CTNNA2: variants seen among roughly 807,000 people sequenced by gnomAD.
CTNNA2 encodes the protein catenin alpha-2.
In CTNNA2, 42 loss-of-function variants were observed where a neutral mutation model predicts 101.0. The ratio of observed to expected loss-of-function variants is 0.42; its 90% CI spans 0.32 to 0.54. The LOEUF is 0.54. CTNNA2 is among the 20% of genes least tolerant of loss of function. The probability of loss-of-function intolerance (pLI) is 0.14; values close to 1 mark genes in which losing one functional copy is unlikely to be tolerated. For synonymous variants in CTNNA2, 450 were observed against 456.4 expected, an observed-to-expected ratio of 0.99 and a Z score of 0.18; for missense variants, 871 against 1,223.1, an observed-to-expected ratio of 0.71 and a Z score of 4.29.
At chr2:80,550,253 C>T (rs1236272156) in intron 11 of CTNNA2, among the ~76,000 whole-genome samples, 1 of 152,138 alleles carries the variant, frequency 6.6e-6, no homozygotes. Context: ...TTTAGAAATA[C>T]TTCATTTCTA....
intron 2 of CTNNA2, among the ~76,000 whole-genome samples, chr2:79,721,701 ACTG>A (rs2104866476): frequency 6.6e-6 from 1 of 152,350 alleles, no homozygotes; most frequent in East Asian, 1.9e-4. Context: ...AATAATTTGG[ACTG>A]CTATCAAAAC....
At chr2:80,123,447 GAAAA>G (rs528984412) in intron 7 of CTNNA2, among the ~76,000 whole-genome samples, 1 of 121,938 alleles carries the variant, frequency 8.2e-6, no homozygotes, top group African/African-American at 3.0e-5. Flanking sequence ...TAGTGGTGCA[GAAAA>G]AAAAAAAAAA....
intron 18 of CTNNA2, among the ~76,000 whole-genome samples, chr2:80,644,934 T>G (rs1673904608): frequency 6.6e-6 from 1 of 152,164 alleles, no homozygotes; most frequent in Non-Finnish European, 1.5e-5. Flanking sequence ...GCTCTCATAT[T>G]TTTGCTGCAG....
At chr2:80,136,889 A>G (rs1254161327) in intron 7 of CTNNA2, among the ~76,000 whole-genome samples, 1 of 152,124 alleles carries the variant, frequency 6.6e-6, no homozygotes, top group Non-Finnish European at 1.5e-5. Flanking sequence ...GGATAGACAC[A>G]TGTTTATCTC....
chr2:79,527,619 C>T (rs113382793), intron 1 of CTNNA2, among the ~76,000 whole-genome samples: 1 of 148,310 alleles, frequency 6.7e-6, no homozygotes, highest in Non-Finnish European at 1.5e-5. Flanking sequence ...GAGACTTTGT[C>T]TCAAAAAAAA....
rs149762383 is a variant in CTNNA2 at position 80,375,965 on chromosome 2, T to C, written c.1057-17246T>C. Among the ~76,000 whole-genome samples, 123 of 152,270 alleles carry C rather than the reference T, an allele frequency of 8.1e-4. 1 individual carries two copies. In the East Asian group the frequency reaches 0.022, roughly 28 times the overall value. On this transcript the variant is annotated intron_variant, in intron 7 of 18. Transcript: ENST00000402739. ...GACTTCCTCTAAGTACCTCCTATTT[T>C]GGTAGTAGAAATGGGATCTCTGGCC...
chr2:79,751,701 G>A (rs536691363), intron 3 of CTNNA2, among the ~76,000 whole-genome samples: 1 of 151,328 alleles, frequency 6.6e-6, no homozygotes, highest in African/African-American at 2.4e-5. Flanking sequence ...AAGGGAGAGA[G>A]GGAAGGAGGA....
intron 1 of CTNNA2, among the ~76,000 whole-genome samples, chr2:79,559,294 C>T (rs1409898457): frequency 1.3e-5 from 2 of 151,872 alleles, no homozygotes; most frequent in Non-Finnish European, 2.9e-5. Context: ...TTATGTGAAT[C>T]ACTTGGGAGC....
chr2:79,918,538 G>A (rs1686421402), intron 7 of CTNNA2, among the ~76,000 whole-genome samples: 1 of 152,178 alleles, frequency 6.6e-6, no homozygotes, highest in African/African-American at 2.4e-5. Flanking sequence ...ATGGGAATGT[G>A]TGCTGTCTTG....
chr2:79,511,975 T>C (rs565349114), upstream of CTNNA2, among the ~76,000 whole-genome samples: 204 of 152,300 alleles, frequency 1.3e-3, no homozygotes, highest in Non-Finnish European at 2.2e-3. Flanking sequence ...ACAGATTTTC[T>C]TTTTGTTTCT....
At chr2:80,295,225 A>ATTTT (rs11371104) in intron 7 of CTNNA2, among the ~76,000 whole-genome samples, 1 of 147,096 alleles carries the variant, frequency 6.8e-6, no homozygotes. Context: ...TCCTGAACAA[A>ATTTT]TTTTTTTTTT....
intron 7 of CTNNA2, among the ~76,000 whole-genome samples, chr2:79,960,648 A>C (rs569390753): frequency 2.0e-5 from 3 of 152,232 alleles, no homozygotes. Context: ...TATAAAGGTA[A>C]CAAAGACCTT....
At chr2:79,439,735 CCAG>C (rs536680507) in intron 4 of CTNNA2, among the ~76,000 whole-genome samples, 99 of 152,208 alleles carry the variant, frequency 6.5e-4, no homozygotes, top group Non-Finnish European at 1.2e-3. Context: ...TGTTTCCTGA[CCAG>C]CAGCATTAGA....
At chr2:79,486,317 A>G (rs1201286484) in intron 4 of CTNNA2, among the ~76,000 whole-genome samples, 3 of 150,538 alleles carry the variant, frequency 2.0e-5, no homozygotes, top group African/African-American at 7.4e-5. Flanking sequence ...GAGTGAGAAC[A>G]TGCGGTGTTT....
chr2:80,170,209 ATCTC>A (rs1157144222), intron 7 of CTNNA2, among the ~76,000 whole-genome samples: 165 of 144,382 alleles, frequency 1.1e-3, no homozygotes, highest in Middle Eastern at 7.5e-3. Flanking sequence ...CTCTCTCTCT[ATCTC>A]TCTCTCTCTC....
chr2:79,556,746 C>G (rs1417235346), intron 1 of CTNNA2, among the ~76,000 whole-genome samples: 2 of 151,918 alleles, frequency 1.3e-5, no homozygotes, highest in South Asian at 2.1e-4. Context: ...ATACTGCCTC[C>G]CCTAATTATT....
chr2:80,214,698 C>T (rs892937419), intron 7 of CTNNA2, among the ~76,000 whole-genome samples: 4 of 152,022 alleles, frequency 2.6e-5, no homozygotes. Flanking sequence ...ATATTTTTTC[C>T]TTCATTTCAA....
intron 2 of CTNNA2, among the ~76,000 whole-genome samples, chr2:79,235,417 G>C (rs756540402): frequency 4.9e-4 from 74 of 152,160 alleles, no homozygotes; most frequent in Non-Finnish European, 8.2e-4. Flanking sequence ...GTAGTGCTCT[G>C]TGGTGGGTGG....
chr2:80,521,136 T>C (rs1056774972), intron 9 of CTNNA2, among the ~76,000 whole-genome samples: 3 of 152,158 alleles, frequency 2.0e-5, no homozygotes, highest in African/African-American at 7.2e-5. Context: ...CCCTGTGTAG[T>C]GAGCAAAGAT....
Sources: allele counts gnomAD v4.1 joint callset (sites outside exome capture counted in the v4.1 genomes callset), GRCh38; gene constraint gnomAD v4.1.1; transcripts MANE v1.5; gene names NCBI Gene and HGNC (gene_info 2026-07-23, HGNC 2026-07-21).